SBK2: variants seen among roughly 807,000 people sequenced by gnomAD.
SBK2 encodes serine/threonine-protein kinase SBK2.
SBK2 carries 18 observed loss-of-function variants against 15.9 expected under a neutral mutation model. The observed-to-expected ratio is 1.13, with a 90% CI of 0.78 to 1.68. The LOEUF (loss-of-function observed/expected upper bound fraction) is 1.68. Among genes scored for constraint, SBK2 ranks in the 40% most tolerant of loss-of-function variants. SBK2 has a pLI of 0.00. For synonymous variants in SBK2, 284 were observed against 246.8 expected, an observed-to-expected ratio of 1.15 and a Z score of -1.41; for missense variants, 581 against 510.9, an observed-to-expected ratio of 1.14 and a Z score of -1.32.
rs752286214 is a variant in SBK2 at position 55,531,208 on chromosome 19, GTGCCGACTCGATGCCAA to G, written c.374_390del (p.Ile125ThrfsTer368). 206 of 1,613,430 alleles carry G rather than the reference GTGCCGACTCGATGCCAA, an allele frequency of 1.3e-4. No homozygotes were observed. Among genetic ancestry groups the G allele is most frequent in the Non-Finnish European group, 1.7e-4 (202 of 1,179,972 alleles). On this transcript the variant is annotated frameshift_variant, in exon 3 of 4. Transcript: ENST00000413299. LOFTEE classifies it high-confidence loss of function. ...GGCTCCGTCAGGAAGCTGTAGGAGT[GTGCCGACTCGATGCCAA>G]TGCCGTAGGCCGTCACGATGGCTGA...
At chr19:55,532,753 G>A (rs541617300) in intron 2 of SBK2, among the ~76,000 whole-genome samples, 8 of 152,070 alleles carry the variant, frequency 5.3e-5, no homozygotes, top group Non-Finnish European at 1.0e-4. Context: ...GTTGTGCACC[G>A]CCACTGGGCT....
chr19:55,530,114 G>C lies in SBK2; in HGVS notation c.666C>G (p.Pro222=). 2.1e-6 allele frequency: 3 copies of C among 1,457,178 alleles called. No homozygotes were observed. The highest frequency in any genetic ancestry group is 2.6e-5 in the Admixed American group (1 of 38,812). The allele number at this position is 1,457,178 out of a possible 1,614,324, so 90.3% of individuals were successfully genotyped here. The change falls in exon 4 of 4, where the codon CCC becomes CCG. Residue 222 remains proline (P), a synonymous_variant. Coordinates refer to ENST00000413299, the MANE Select transcript of SBK2 (RefSeq NM_001370096.2). ...TLLRLAGPPI[P]YTAPELCAPP... ...GCGCGCAGAGCTCGGGGGCCGTGTA[G>C]GGGATGGGCGGCCCGGCCAGGCGCA...
chr19:55,533,564 A>G (rs8104443), intron 2 of SBK2, among the ~76,000 whole-genome samples: 74,839 of 96,500 alleles, frequency 0.78, 29,508 homozygotes, highest in African/African-American at 0.8. Context: ...GAGGCAGGAG[A>G]ATGGCGTGAA....
chr19:55,536,156 T>C lies in SBK2; in HGVS notation c.139A>G (p.Thr47Ala). 2.5e-6 allele frequency: 4 copies of C among 1,604,022 alleles called. No homozygotes were observed. Among genetic ancestry groups the C allele is most frequent in the Non-Finnish European group, 3.4e-6 (4 of 1,175,464 alleles). ...EAARALEDMM[T>A]LSAQTLVRAE... ...CGGACCAGGGTCTGAGCACTCAGCG[T>C]CATCATGTCCTCCAGCGCGCGGGCA... Residue 47 changes from threonine (T) to alanine (A), a missense_variant, in exon 2 of 4, where the codon ACG becomes GCG. By Grantham distance (58) the Thr-to-Ala change is moderately conservative. Transcript: ENST00000413299.
In SBK2 at chr19:55,530,223, G is replaced by C; in HGVS notation, c.557C>G (p.Pro186Arg). 1.3e-6 allele frequency: 2 copies of C among 1,534,728 alleles called. No individual in the cohort carries two copies. Among genetic ancestry groups the C allele is most frequent in the Non-Finnish European group, 1.8e-6 (2 of 1,140,672 alleles). The change falls in exon 4 of 4, where the codon CCG becomes CGG. Residue 186 changes from proline (P) to arginine (R), a missense_variant. By Grantham distance (103) the Pro-to-Arg change is moderately radical. Transcript: ENST00000413299. ...CGGGTCGCACACCAGGACGTTCTCC[G>C]GCTTCAGGTCCCGGTACACCAGGCC... ...ARGLVYRDLKPENVLVCDPAC... is the reference protein window; with the variant it reads ...ARGLVYRDLKRENVLVCDPAC...
chr19:55,529,986 C>A lies in SBK2; in HGVS notation c.794G>T (p.Arg265Leu). ...CLLTGYFPWD[R>L]PLAEADPFYE... ...GAAGGGGTCGGCCTCGGCCAGGGGC[C>A]GGTCCCAGGGGAAGTAGCCCGTGAG... The change falls in exon 4 of 4, where the codon CGG (arginine) becomes CTG (leucine). Residue 265 changes from arginine (R) to leucine (L), a missense_variant. Coordinates refer to ENST00000413299, the MANE Select transcript of SBK2 (RefSeq NM_001370096.2). 6.6e-7 allele frequency: 1 copy of A among 1,526,514 alleles called. No individual in the cohort carries two copies. The highest frequency in any genetic ancestry group is 2.5e-5 in the East Asian group (1 of 40,190). 94.6% of individuals were successfully genotyped at this position (1,526,514 alleles called of 1,614,324 possible). A position where few individuals can be genotyped will look rare whatever the true frequency, so the allele number is the denominator to read the frequency against.
In SBK2 at chr19:55,530,091, G is replaced by A. The variant is rs376776112; in HGVS notation, c.689C>T (p.Ala230Val). The A allele has an allele frequency of 5.0e-4, 720 of 1,443,570 alleles. 5 individuals carry two copies. The African/African-American group carries it at 8.9e-3, about 18-fold the overall frequency. The allele number at this position is 1,443,570 out of a possible 1,614,324, so 89.4% of individuals were successfully genotyped here. A position where few individuals can be genotyped will look rare whatever the true frequency, so the allele number is the denominator to read the frequency against. ...CAGGCCCTCGGGGAGCGGCGGGGGCGCGCAGAGCTCGGGGGCCGTGTAGGG... is the reference window on the plus strand; with the variant it reads ...CAGGCCCTCGGGGAGCGGCGGGGGCACGCAGAGCTCGGGGGCCGTGTAGGG... ...PIPYTAPELCAPPPLPEGLPI... is the reference protein window; with the variant it reads ...PIPYTAPELCVPPPLPEGLPI... The change falls in exon 4 of 4, where the codon GCG becomes GTG. Residue 230 changes from alanine to valine, a missense_variant. Physicochemically the swap from Ala to Val is moderately conservative, Grantham distance 64 (BLOSUM62 0). Transcript: ENST00000413299.
At chr19:55,530,987 C>G (rs1988242471) in intron 3 of SBK2, among the ~76,000 whole-genome samples, 156 bp downstream of exon 3, 1 of 152,152 alleles carries the variant, frequency 6.6e-6, no homozygotes, top group South Asian at 2.1e-4. Flanking sequence ...CTAACAACTC[C>G]ACGAGTCCTG....
rs560006356 is a variant in SBK2 at position 55,528,830 on chromosome 19, T to C, written c.*903A>G. On this transcript the variant is annotated 3_prime_UTR_variant, in exon 4 of 4. Transcript: ENST00000413299. ...CTGCTGCAGGCCATCGCTGAGTACA[T>C]GGGGTCTGTCAGCAGACGGAAGGCG... 1.1e-4 allele frequency among the ~76,000 whole-genome samples: 17 copies of C among 152,100 alleles called. No individual in the cohort carries two copies. The highest frequency in any genetic ancestry group is 1.8e-4 in the Non-Finnish European group (12 of 68,028).
In SBK2 at chr19:55,536,278, G is replaced by A. The variant is rs749463046; in HGVS notation, c.17C>T (p.Ser6Phe). The change falls in exon 2 of 4, where the codon TCT (serine) becomes TTT (phenylalanine). Residue 6 changes from serine to phenylalanine, a missense_variant. Transcript: ENST00000413299. MPGKQ[S>F]EEGPAEAGAS... is the part of the protein sequence containing the mutation. ...CCCTGCCTCCGCCGGCCCTTCCTCA[G>A]ACTGTTTGCCGGGCATCTCTGCGAG... 8.9e-6 allele frequency: 14 copies of A among 1,578,950 alleles called. No homozygotes were observed. In the African/African-American group the frequency reaches 1.6e-4, roughly 18 times the overall value.
intron 2 of SBK2, among the ~76,000 whole-genome samples, chr19:55,531,961 A>G (rs1478231549): frequency 2.6e-5 from 2 of 78,156 alleles, no homozygotes; most frequent in African/African-American, 1.1e-4. Context: ...CCTGGGGGAC[A>G]GAGTGAAAAA....
At position 55,531,251 on chromosome 19, in the gene SBK2, G is replaced by C; in HGVS notation, c.348C>G (p.His116Gln). The C allele has an allele frequency of 6.2e-7, 1 of 1,613,734 alleles. No homozygotes were observed. Among genetic ancestry groups the C allele is most frequent in the Non-Finnish European group, 8.5e-7 (1 of 1,179,948 alleles). ...EFCVGLSLGA[H>Q]SAIVTAYGIG... Reference sequence around the variant, plus strand: ...TGCCGTAGGCCGTCACGATGGCTGAGTGCGCGCCCAGCGAGAGCCCCACAC... The same window carrying C: ...TGCCGTAGGCCGTCACGATGGCTGACTGCGCGCCCAGCGAGAGCCCCACAC... The change falls in exon 3 of 4, where the codon CAC becomes CAG. Residue 116 changes from histidine to glutamine, a missense_variant. His to Gln is a conservative substitution (Grantham distance 24). Coordinates refer to ENST00000413299, the MANE Select transcript of SBK2 (RefSeq NM_001370096.2).
In SBK2 at chr19:55,529,753, C is replaced by G. The variant is rs1037675758; in HGVS notation, c.1027G>C (p.Glu343Gln). 6.2e-7 allele frequency: 1 copy of G among 1,601,834 alleles called. No homozygotes were observed. The highest frequency in any genetic ancestry group is 8.5e-7 in the Non-Finnish European group (1 of 1,179,622). ...CCTCCTCACTGCCCAGCCTCCTCTT[C>G]CACCGCTCCCACTGCCTCCGCCTCG... ...EGEAEAVGAV[E>Q]EEAGQ is the part of the protein sequence containing the mutation. The change falls in exon 4 of 4, where the codon GAA (glutamate) becomes CAA (glutamine). Residue 343 changes from glutamate to glutamine, a missense_variant. Glu to Gln is a conservative substitution (Grantham distance 29). Coordinates refer to ENST00000413299, the MANE Select transcript of SBK2 (RefSeq NM_001370096.2).
chr19:55,533,893 G>C (rs892958060), intron 2 of SBK2, among the ~76,000 whole-genome samples: 1 of 151,760 alleles, frequency 6.6e-6, no homozygotes, highest in Admixed American at 6.6e-5. Flanking sequence ...ACATGTTCAG[G>C]GCCCCAGCAT....
chr19:55,528,734 G>A lies in SBK2; in HGVS notation c.*999C>T, dbSNP rs1988171485. 6.6e-6 allele frequency among the ~76,000 whole-genome samples: 1 copy of A among 152,186 alleles called. No homozygotes were observed. The highest frequency in any genetic ancestry group is 6.6e-5 in the Admixed American group (1 of 15,260). Reference sequence around the variant, plus strand: ...CGGAGAGAAGGAGAGAGGACGGCGGGAGGACAGGGACGGAGGGGAGGCTGC... The same window carrying A: ...CGGAGAGAAGGAGAGAGGACGGCGGAAGGACAGGGACGGAGGGGAGGCTGC... On this transcript the variant is annotated 3_prime_UTR_variant, in exon 4 of 4. Coordinates refer to ENST00000413299, the MANE Select transcript of SBK2 (RefSeq NM_001370096.2).
At chr19:55,535,665 C>G (rs180757176) in intron 2 of SBK2, among the ~76,000 whole-genome samples, 1 of 152,048 alleles carries the variant, frequency 6.6e-6, no homozygotes, top group Non-Finnish European at 1.5e-5. Context: ...GCCAGGAGTA[C>G]GAGACCACCC....
At chr19:55,534,576 A>T (rs1204267086) in intron 2 of SBK2, among the ~76,000 whole-genome samples, 1 of 151,680 alleles carries the variant, frequency 6.6e-6, no homozygotes, top group African/African-American at 2.4e-5. Flanking sequence ...GCATGGTGGC[A>T]TGCGCCTGTA....
Position 55,530,253 on chromosome 19 carries a change from G to T in SBK2, c.527C>A (p.Ala176Asp). The T allele has an allele frequency of 6.6e-7, 1 of 1,512,414 alleles. No individual in the cohort carries two copies. The allele number at this position is 1,512,414 out of a possible 1,614,324, so 93.7% of individuals were successfully genotyped here. Residue 176 changes from alanine (A) to aspartate (D), a missense_variant, in exon 4 of 4, where the codon GCC (alanine) becomes GAC (aspartate). By Grantham distance (126) the Ala-to-Asp change is moderately radical. Coordinates refer to ENST00000413299, the MANE Select transcript of SBK2 (RefSeq NM_001370096.2). ...CAGGTCCCGGTACACCAGGCCGCGG[G>T]CGTGGATGTACTCCAGGGCGGAGGC... Reference protein sequence around the residue: ...QLASALEYIHARGLVYRDLKP... With the variant: ...QLASALEYIHDRGLVYRDLKP...
intron 3 of SBK2, 77 bp from the exon 4 acceptor site, chr19:55,530,400 G>T: frequency 7.8e-7 from 1 of 1,280,130 alleles, no homozygotes; most frequent in South Asian, 1.7e-5. Flanking sequence ...GGCCCAGGAC[G>T]CCAAGGAGGC....
Sources: gnomAD v4.1 joint callset for allele counts (sites outside exome capture counted in the v4.1 genomes callset) on GRCh38, gnomAD v4.1.1 for gene constraint, MANE v1.5 for transcripts, NCBI Gene and HGNC (gene_info 2026-07-23, HGNC 2026-07-21) for gene names.